Variants in STT3B observed in about 807,000 individuals in gnomAD.
STT3B encodes dolichyl-diphosphooligosaccharide--protein glycosyltransferase subunit STT3B.
STT3B carries 29 observed loss-of-function variants against 96.8 expected under a neutral mutation model. That is an observed-to-expected ratio of 0.30 (90% confidence interval 0.22 to 0.41). STT3B has a LOEUF of 0.41. Ranked by LOEUF, STT3B falls within the 10% of genes least tolerant of loss-of-function variation. The pLI, the probability that STT3B is intolerant of heterozygous loss-of-function variation, is 1.00. For synonymous variants in STT3B, 367 were observed against 360.0 expected, an observed-to-expected ratio of 1.02 and a Z score of -0.22; for missense variants, 640 against 1,022.3, an observed-to-expected ratio of 0.63 and a Z score of 5.10.
intron 1 of STT3B, among the ~76,000 whole-genome samples, chr3:31,540,556 T>C (rs1200320783): frequency 2.0e-5 from 3 of 152,178 alleles, no homozygotes; most frequent in African/African-American, 7.2e-5. Flanking sequence ...TGGTGATATC[T>C]AGCTATCCCT....
At chr3:31,559,623 T>A (rs1259573807) in intron 1 of STT3B, among the ~76,000 whole-genome samples, 1 of 152,090 alleles carries the variant, frequency 6.6e-6, no homozygotes, top group Admixed American at 6.5e-5. Flanking sequence ...TATTGTATGG[T>A]CTATCCTGGA....
At chr3:31,536,546 G>C (rs935673201) in intron 1 of STT3B, among the ~76,000 whole-genome samples, 2 of 152,092 alleles carry the variant, frequency 1.3e-5, no homozygotes, top group African/African-American at 4.8e-5. Flanking sequence ...TTCTTAAATT[G>C]TGTAAAAGAC....
In STT3B at chr3:31,619,826, A is replaced by G; in HGVS notation, c.1323A>G (p.Val441=). The G allele has an allele frequency of 6.2e-7, 1 of 1,609,140 alleles. No homozygotes were observed. The highest frequency in any genetic ancestry group is 1.7e-4 in the Middle Eastern group (1 of 6,016). Residue 441 remains valine (V), a synonymous_variant, in exon 9 of 16, where the codon GTA becomes GTG. Coordinates refer to ENST00000295770, the MANE Select transcript of STT3B (RefSeq NM_178862.3). ...TCAAAAATATCAACGATGAAAGAGT[A>G]TTTGGTAAGAGAGGTTTTTAATGAA... The part of the protein sequence containing the change: ...FCIKNINDER[V]FVALYAISAV...
At chr3:31,548,954 T>C (rs1030778397) in intron 1 of STT3B, among the ~76,000 whole-genome samples, 9 of 152,218 alleles carry the variant, frequency 5.9e-5, no homozygotes, top group Non-Finnish European at 1.2e-4. Flanking sequence ...ATTACCATGT[T>C]ACAGTCTTAA....
At chr3:31,616,285 G>A (rs1699305768) in intron 6 of STT3B, among the ~76,000 whole-genome samples, 1 of 151,848 alleles carries the variant, frequency 6.6e-6, no homozygotes, top group South Asian at 2.1e-4. Context: ...GACCCCTCTG[G>A]AATGAGGATC....
intron 1 of STT3B, among the ~76,000 whole-genome samples, chr3:31,559,269 C>T (rs1376009831): frequency 1.4e-5 from 2 of 148,132 alleles, no homozygotes; most frequent in Non-Finnish European, 3.0e-5. Flanking sequence ...TCTTTTCTAG[C>T]TCCTTGAGGT....
chr3:31,571,297 T>TTG (rs1698129331), intron 1 of STT3B, among the ~76,000 whole-genome samples: 1 of 151,144 alleles, frequency 6.6e-6, no homozygotes, highest in East Asian at 1.9e-4. Flanking sequence ...TTTTTTTTTT[T>TTG]GGAAGAGGAG....
chr3:31,589,692 A>G (rs1246937684), intron 3 of STT3B, among the ~76,000 whole-genome samples: 1 of 151,990 alleles, frequency 6.6e-6, no homozygotes, highest in African/African-American at 2.4e-5. Flanking sequence ...TGTATTGATC[A>G]TATATTCTGT....
chr3:31,573,256 A>G (rs905124773), intron 1 of STT3B, among the ~76,000 whole-genome samples: 9 of 152,164 alleles, frequency 5.9e-5, no homozygotes, highest in Non-Finnish European at 1.3e-4. Flanking sequence ...CTTTAATTTT[A>G]AAGTGATGAA....
chr3:31,539,601 C>G (rs1298417589), intron 1 of STT3B, among the ~76,000 whole-genome samples: 1 of 152,090 alleles, frequency 6.6e-6, no homozygotes, highest in Admixed American at 6.5e-5. Flanking sequence ...AAATACTGGT[C>G]TATCAGAATA....
intron 3 of STT3B, among the ~76,000 whole-genome samples, chr3:31,594,450 G>A (rs1457955396): frequency 7.3e-6 from 1 of 136,398 alleles, no homozygotes; most frequent in African/African-American, 3.2e-5. Context: ...TTTTTTTTTT[G>A]GATGGAGTCT....
At chr3:31,610,376 A>G (rs964432677) in intron 5 of STT3B, among the ~76,000 whole-genome samples, 1 of 152,210 alleles carries the variant, frequency 6.6e-6, no homozygotes, top group African/African-American at 2.4e-5. Context: ...AACATGGGTT[A>G]AAGTTAATGG....
chr3:31,556,708 T>C (rs998864725), intron 1 of STT3B, among the ~76,000 whole-genome samples: 8 of 152,234 alleles, frequency 5.3e-5, no homozygotes, highest in Non-Finnish European at 1.2e-4. Flanking sequence ...TTGAGAAATA[T>C]CTGTTCATGT....
chr3:31,592,464 G>A (rs1445084715), intron 3 of STT3B, among the ~76,000 whole-genome samples: 1 of 152,198 alleles, frequency 6.6e-6, no homozygotes, highest in African/African-American at 2.4e-5. Context: ...AAGTGGAATT[G>A]TTGGGTCATA....
intron 14 of STT3B, among the ~76,000 whole-genome samples, chr3:31,630,085 G>A (rs1383077854): frequency 6.6e-6 from 1 of 152,158 alleles, no homozygotes; most frequent in Non-Finnish European, 1.5e-5. Flanking sequence ...AAATAATGGG[G>A]CTTGGATTGA....
chr3:31,573,318 A>T (rs1251557271), intron 1 of STT3B, among the ~76,000 whole-genome samples: 3 of 152,198 alleles, frequency 2.0e-5, no homozygotes, highest in African/African-American at 7.2e-5. Context: ...CATTTTGAAA[A>T]GAACTTCCTT....
At chr3:31,533,353 G>A (rs751036711) in intron 1 of STT3B, 41 bp downstream of exon 1, 49 of 1,446,426 alleles carry the variant, frequency 3.4e-5, no homozygotes, top group Non-Finnish European at 4.4e-5. Context: ...TGGCCCGCGG[G>A]GAACCGGGAC....
chr3:31,633,516 T>A (rs1699703659), intron 15 of STT3B, among the ~76,000 whole-genome samples: 1 of 152,158 alleles, frequency 6.6e-6, no homozygotes, highest in Non-Finnish European at 1.5e-5. Context: ...CATGTTCCAT[T>A]CTTAGTATGA....
At chr3:31,592,101 C>T (rs1698677063) in intron 3 of STT3B, among the ~76,000 whole-genome samples, 1 of 152,166 alleles carries the variant, frequency 6.6e-6, no homozygotes, top group African/African-American at 2.4e-5. Context: ...AAACTATACC[C>T]ATTAAACAAT....
Sources: allele counts gnomAD v4.1 joint callset (sites outside exome capture counted in the v4.1 genomes callset), GRCh38; gene constraint gnomAD v4.1.1; transcripts MANE v1.5; gene names NCBI Gene and HGNC (gene_info 2026-07-23, HGNC 2026-07-21).